PACRG: variants seen among roughly 807,000 people sequenced by gnomAD.
PACRG encodes parkin coregulated gene protein.
In PACRG, 29 loss-of-function variants were observed where a neutral mutation model predicts 29.7. The observed-to-expected ratio is 0.98, with a 90% CI of 0.73 to 1.33. The LOEUF (loss-of-function observed/expected upper bound fraction) is 1.33. PACRG is among the 40% of genes most tolerant of loss of function. The pLI, the probability that PACRG is intolerant of heterozygous loss-of-function variation, is 0.00. For synonymous variants in PACRG, 116 were observed against 118.7 expected (o/e 0.98, Z 0.15); for missense variants, 279 against 316.2 (o/e 0.88, Z 0.89).
chr6:162,958,998 T>C (rs1800381285), intron 2 of PACRG, among the ~76,000 whole-genome samples: 2 of 146,354 alleles, frequency 1.4e-5, no homozygotes, highest in Admixed American at 6.9e-5. Context: ...GCTCCCTGAA[T>C]CCTAGAACTC....
chr6:162,862,315 G>C (rs1232046241), intron 2 of PACRG, among the ~76,000 whole-genome samples: 4 of 152,150 alleles, frequency 2.6e-5, no homozygotes, highest in Non-Finnish European at 5.9e-5. Flanking sequence ...CATTACACTG[G>C]GAAGTGAGAG....
At chr6:162,783,157 G>T (rs760999340) in intron 1 of PACRG, among the ~76,000 whole-genome samples, 2 of 151,850 alleles carry the variant, frequency 1.3e-5, no homozygotes, top group Non-Finnish European at 3.0e-5. Context: ...AATATGTAGA[G>T]GGTAAAAGGA....
At chr6:163,040,051 G>A (rs1002377322) in intron 2 of PACRG, among the ~76,000 whole-genome samples, 1 of 152,204 alleles carries the variant, frequency 6.6e-6, no homozygotes. Flanking sequence ...AGGCCTTGAG[G>A]TCTAGGAGGG....
intron 4 of PACRG, among the ~76,000 whole-genome samples, chr6:163,255,232 C>T (rs923982160): frequency 3.9e-5 from 6 of 152,062 alleles, no homozygotes; most frequent in African/African-American, 7.2e-5. Flanking sequence ...AAGGAGAGCC[C>T]GAATAAAGAG....
chr6:163,140,354 T>C (rs1455174133), intron 4 of PACRG, among the ~76,000 whole-genome samples: 2 of 152,026 alleles, frequency 1.3e-5, no homozygotes, highest in East Asian at 1.9e-4. Context: ...CTGGCCTCCA[T>C]GGGGTAGAGA....
intron 1 of PACRG, among the ~76,000 whole-genome samples, chr6:162,803,963 A>G (rs1029189583): frequency 2.0e-5 from 3 of 152,216 alleles, no homozygotes; most frequent in African/African-American, 7.2e-5. Context: ...GAAATAATAT[A>G]AATTCCAAAT....
intron 1 of PACRG, among the ~76,000 whole-genome samples, chr6:162,789,203 T>C (rs1468797828): frequency 3.3e-5 from 5 of 152,190 alleles, no homozygotes; most frequent in Admixed American, 2.6e-4. Context: ...TTCCCTGTTT[T>C]GATCATTGAG....
intron 4 of PACRG, among the ~76,000 whole-genome samples, chr6:163,121,082 A>C (rs1356558407): frequency 6.6e-6 from 1 of 152,220 alleles, no homozygotes. Flanking sequence ...CAAATTTAAG[A>C]AATAGCTACA....
intron 4 of PACRG, chr6:163,166,150 C>T (rs1006227132): frequency 2.2e-6 from 1 of 456,232 alleles, no homozygotes; most frequent in Non-Finnish European, 4.4e-6. Flanking sequence ...CGCTTGCGCC[C>T]GGCACATGTG....
At chr6:163,215,148 T>A (rs1781312587) in intron 4 of PACRG, among the ~76,000 whole-genome samples, 3 of 152,176 alleles carry the variant, frequency 2.0e-5, no homozygotes, top group Admixed American at 2.0e-4. Context: ...CTGCTAAATT[T>A]CTTTGGTAAT....
intron 2 of PACRG, 103 bp from the exon 3 acceptor site, chr6:163,062,046 TA>T: frequency 8.5e-7 from 1 of 1,173,182 alleles, no homozygotes; most frequent in Non-Finnish European, 1.2e-6. Context: ...CCTGAAGTTC[TA>T]AAGAGCGTGC....
At chr6:162,756,828 G>C (rs1394563766) in intron 1 of PACRG, among the ~76,000 whole-genome samples, 1 of 152,024 alleles carries the variant, frequency 6.6e-6, no homozygotes, top group Non-Finnish European at 1.5e-5. Flanking sequence ...TTGCTTCGTA[G>C]TCACCATGAG....
At chr6:163,031,956 T>C (rs1807707811) in intron 2 of PACRG, among the ~76,000 whole-genome samples, 1 of 152,244 alleles carries the variant, frequency 6.6e-6, no homozygotes, top group African/African-American at 2.4e-5. Flanking sequence ...GAATGCAAAC[T>C]ATTCCAGTCA....
intron 1 of PACRG, among the ~76,000 whole-genome samples, chr6:162,753,693 C>G (rs1781687459): frequency 6.6e-6 from 1 of 152,088 alleles, no homozygotes; most frequent in Non-Finnish European, 1.5e-5. Flanking sequence ...AGTGAGTTCT[C>G]ATGAGATCTG....
At chr6:163,069,334 G>A (rs1161958226) in intron 3 of PACRG, among the ~76,000 whole-genome samples, 1 of 148,770 alleles carries the variant, frequency 6.7e-6, no homozygotes, top group Non-Finnish European at 1.5e-5. Context: ...CAATCCTGGA[G>A]AAATAGAGAT....
chr6:163,120,806 T>A (rs1430916309), intron 4 of PACRG, among the ~76,000 whole-genome samples: 3 of 152,156 alleles, frequency 2.0e-5, no homozygotes, highest in African/African-American at 4.8e-5. Flanking sequence ...ATGAAGGAGC[T>A]CAAATGATCC....
intron 2 of PACRG, among the ~76,000 whole-genome samples, chr6:163,015,135 T>G (rs1805976841): frequency 6.6e-6 from 1 of 152,228 alleles, no homozygotes; most frequent in African/African-American, 2.4e-5. Flanking sequence ...TTTTGTCAAC[T>G]TCATCAAAGA....
intron 4 of PACRG, among the ~76,000 whole-genome samples, chr6:163,226,752 C>A (rs1018961769): frequency 1.3e-5 from 2 of 152,288 alleles, no homozygotes; most frequent in African/African-American, 4.8e-5. Flanking sequence ...CTGGGGAGAA[C>A]CTGTTCTCTA....
intron 3 of PACRG, 132 bp downstream of exon 3, chr6:163,062,453 G>A (rs1811174519): frequency 1.0e-5 from 11 of 1,082,104 alleles, no homozygotes; most frequent in Admixed American, 3.2e-5. Context: ...AATTGACTTA[G>A]GAGGCCAGAC....
Sources: gnomAD v4.1 joint callset for allele counts (sites outside exome capture counted in the v4.1 genomes callset) on GRCh38, gnomAD v4.1.1 for gene constraint, MANE v1.5 for transcripts, NCBI Gene and HGNC (gene_info 2026-07-23, HGNC 2026-07-21) for gene names.